The following CCNY variants were observed in gnomAD, a reference collection of about 807,000 sequenced individuals.
CCNY encodes the protein cyclin-Y.
In CCNY, 19 loss-of-function variants were observed where a neutral mutation model predicts 42.8. The observed-to-expected ratio is 0.44, with a 90% confidence interval of 0.31 to 0.65. The LOEUF (loss-of-function observed/expected upper bound fraction) is 0.65, where lower values mean the gene tolerates loss of function less well. CCNY is among the 30% of genes least tolerant of loss of function. The pLI is 0.07. For missense variants in CCNY, 370 were observed against 437.3 expected, an observed-to-expected ratio of 0.85 and a Z score of 1.37; for synonymous variants, 165 against 162.7, an observed-to-expected ratio of 1.01 and a Z score of -0.11.
intron 4 of CCNY, among the ~76,000 whole-genome samples, chr10:35,517,025 C>T (rs1840444391): frequency 6.6e-6 from 1 of 152,092 alleles, no homozygotes; most frequent in African/African-American, 2.4e-5. Flanking sequence ...AATGAGACTC[C>T]TATGTTCCCA....
At chr10:35,485,412 G>T (rs1839762535) in intron 2 of CCNY, among the ~76,000 whole-genome samples, 1 of 152,186 alleles carries the variant, frequency 6.6e-6, no homozygotes. Flanking sequence ...TAAATAATTA[G>T]AAAAAATCAA....
At chr10:35,406,818 G>T (rs193280659) in intron 1 of CCNY, among the ~76,000 whole-genome samples, 1 of 152,030 alleles carries the variant, frequency 6.6e-6, no homozygotes, top group Admixed American at 6.5e-5. Flanking sequence ...AGGCAGAGGC[G>T]CCCCTCACCT....
intron 1 of CCNY, among the ~76,000 whole-genome samples, chr10:35,377,952 C>T (rs1014735634): frequency 6.6e-6 from 1 of 152,130 alleles, no homozygotes; most frequent in Non-Finnish European, 1.5e-5. Flanking sequence ...AAAATTCAGC[C>T]TTACACAGAT....
At chr10:35,254,830 C>CAAAA (rs748535872) in intron 3 of CCNY, among the ~76,000 whole-genome samples, 1 of 38,062 alleles carries the variant, frequency 2.6e-5, no homozygotes, top group African/African-American at 1.0e-4. Context: ...GACCCTGTCT[C>CAAAA]AAAAAAAAAA....
At chr10:35,508,120 T>C (rs751220316) in intron 3 of CCNY, among the ~76,000 whole-genome samples, 2 of 152,210 alleles carry the variant, frequency 1.3e-5, no homozygotes, top group African/African-American at 2.4e-5. Context: ...TGATCAGGCT[T>C]GACCGAATCA....
At chr10:35,484,475 A>C (rs16936066) in intron 2 of CCNY, among the ~76,000 whole-genome samples, 7,554 of 152,236 alleles carry the variant, frequency 0.05, 540 homozygotes, top group African/African-American at 0.16. Flanking sequence ...CGTTTCCAAG[A>C]ATAAATTAGT....
At chr10:35,275,056 C>CTTTTTTTTT (rs34467762) in intron 3 of CCNY, among the ~76,000 whole-genome samples, 19 of 64,902 alleles carry the variant, frequency 2.9e-4, no homozygotes, top group African/African-American at 4.9e-4. Context: ...ACCGTCATTC[C>CTTTTTTTTT]TTTTTTTTTT....
At chr10:35,509,129 A>G (rs1450466508) in intron 3 of CCNY, among the ~76,000 whole-genome samples, 1 of 152,218 alleles carries the variant, frequency 6.6e-6, no homozygotes, top group Admixed American at 6.5e-5. Context: ...CATTTTCCCA[A>G]TTTTTGTTCT....
intron 1 of CCNY, among the ~76,000 whole-genome samples, chr10:35,381,941 A>G (rs1455008091): frequency 6.6e-6 from 1 of 151,680 alleles, no homozygotes; most frequent in African/African-American, 2.4e-5. Context: ...TATCTGTAAA[A>G]TTAAAACTTA....
intron 1 of CCNY, among the ~76,000 whole-genome samples, chr10:35,400,708 A>C (rs1837624763): frequency 1.3e-5 from 2 of 152,162 alleles, no homozygotes; most frequent in African/African-American, 4.8e-5. Flanking sequence ...GGGAGAATTC[A>C]AGTACATGAA....
chr10:35,362,578 G>GTT (rs902193668), intron 1 of CCNY, among the ~76,000 whole-genome samples: 1 of 146,640 alleles, frequency 6.8e-6, no homozygotes, highest in African/African-American at 2.5e-5. Context: ...GAGGGTACCA[G>GTT]TTTTTTTTTT....
intron 1 of CCNY, among the ~76,000 whole-genome samples, chr10:35,413,253 A>G (rs1344053047): frequency 6.6e-6 from 1 of 152,142 alleles, no homozygotes; most frequent in African/African-American, 2.4e-5. Flanking sequence ...CATTCCAGAC[A>G]TATTTAGGGG....
intron 1 of CCNY, among the ~76,000 whole-genome samples, chr10:35,405,997 G>A (rs905637278): frequency 1.3e-5 from 2 of 152,126 alleles, no homozygotes; most frequent in Non-Finnish European, 2.9e-5. Flanking sequence ...TGGTTCAGGC[G>A]TTTGGAGTTC....
At chr10:35,341,030 C>T (rs767453835) in intron 1 of CCNY, among the ~76,000 whole-genome samples, 1 of 152,166 alleles carries the variant, frequency 6.6e-6, no homozygotes, top group Non-Finnish European at 1.5e-5. Context: ...AGTCTGTTCT[C>T]GACACAACAG....
At chr10:35,516,665 T>A in intron 4 of CCNY, 42 bp downstream of exon 4, 1 of 566,380 alleles carries the variant, frequency 1.8e-6, no homozygotes, top group Non-Finnish European at 2.6e-6. Flanking sequence ...TCCTTCCTTT[T>A]TTTTTTTTTT....
At chr10:35,250,304 G>T (rs1353144739) in intron 2 of CCNY, among the ~76,000 whole-genome samples, 1 of 152,036 alleles carries the variant, frequency 6.6e-6, no homozygotes, top group African/African-American at 2.4e-5. Flanking sequence ...GTCAGAGGTT[G>T]CAGTGAGTCA....
At chr10:35,258,810 C>T (rs1339772234) in intron 3 of CCNY, among the ~76,000 whole-genome samples, 1 of 151,982 alleles carries the variant, frequency 6.6e-6, no homozygotes, top group Non-Finnish European at 1.5e-5. Context: ...GTGGCATGAG[C>T]CTGTAGTCCC....
chr10:35,511,629 C>G (rs1247629037), intron 3 of CCNY, among the ~76,000 whole-genome samples: 1 of 152,190 alleles, frequency 6.6e-6, no homozygotes, highest in Non-Finnish European at 1.5e-5. Context: ...GTTGGAAATG[C>G]TACTTCATTT....
At chr10:35,444,212 C>CCTGCCTGAGG (rs1250332248) in intron 1 of CCNY, among the ~76,000 whole-genome samples, 1 of 151,442 alleles carries the variant, frequency 6.6e-6, no homozygotes, top group African/African-American at 2.4e-5. Flanking sequence ...TCCTGCAGGC[C>CCTGCCTGAGG]CTGCCTGAGG....
Sources: allele counts gnomAD v4.1 joint callset (sites outside exome capture counted in the v4.1 genomes callset), GRCh38; gene constraint gnomAD v4.1.1; transcripts MANE v1.5; gene names NCBI Gene and HGNC (gene_info 2026-07-23, HGNC 2026-07-21).